The following LHX4 variants were observed in gnomAD, a reference collection of about 807,000 sequenced individuals.
The protein encoded by LHX4 is LIM homeobox 4, also known as LIM/homeobox protein Lhx4.
Under a neutral mutation model 39.2 loss-of-function variants are expected in LHX4, and 16 were observed. That is an observed-to-expected ratio of 0.41 (90% confidence interval 0.28 to 0.62). LHX4 has a LOEUF of 0.62. LHX4 is among the 20% of genes least tolerant of loss of function. The pLI is 0.33. For synonymous variants in LHX4, 206 were observed against 198.1 expected (o/e 1.04, Z -0.33); for missense variants, 439 against 511.9 (o/e 0.86, Z 1.37).
At chr1:180,262,812 AT>A (rs1189376157) in intron 2 of LHX4, among the ~76,000 whole-genome samples, 1 of 152,146 alleles carries the variant, frequency 6.6e-6, no homozygotes, top group Non-Finnish European at 1.5e-5. Flanking sequence ...TCATTCATTC[AT>A]TCATTCATTG....
intron 5 of LHX4, chr1:180,272,801 G>T (rs966658406): frequency 6.6e-6 from 1 of 152,186 alleles, no homozygotes; most frequent in Admixed American, 6.5e-5. Context: ...TTCCCAAGAG[G>T]AATACCATAT....
At chr1:180,260,467 C>G (rs697262) in intron 2 of LHX4, among the ~76,000 whole-genome samples, 10,486 of 151,716 alleles carry the variant, frequency 0.069, 530 homozygotes, top group Non-Finnish European at 0.097. Context: ...TGGTCGGGAG[C>G]AGCAGGGGTG....
rs1664157165 is a variant in LHX4 at position 180,230,722 on chromosome 1, A to T, written c.76+117A>T. ...CGGGAGGGGCTGGCGGCCGGGGCGCAGAGGCGGTCACAGGGCAGGGGCACC... is the reference window on the plus strand; with the variant it reads ...CGGGAGGGGCTGGCGGCCGGGGCGCTGAGGCGGTCACAGGGCAGGGGCACC... On this transcript the variant is annotated intron_variant, in intron 1 of 5. Transcript: ENST00000263726. This position sits in a 1 kb window ranked among gnomAD's most constrained non-coding sequence, Gnocchi z 5.8. 1 of 953,898 alleles carries T rather than the reference A, an allele frequency of 1.0e-6. No homozygotes were observed. Among genetic ancestry groups the T allele is most frequent in the African/African-American group, 1.6e-5 (1 of 61,416 alleles). 59.1% of individuals were successfully genotyped at this position (953,898 alleles called of 1,614,324 possible).
chr1:180,254,533 G>C (rs540360382), intron 2 of LHX4, among the ~76,000 whole-genome samples: 1 of 152,256 alleles, frequency 6.6e-6, no homozygotes, highest in Non-Finnish European at 1.5e-5. Context: ...CTGCAGGGTG[G>C]TGGTGCTGGC....
In LHX4 at chr1:180,248,265, C is replaced by A. The variant is rs149914490; in HGVS notation, c.77-20C>A. The A allele has an allele frequency of 2.5e-3, 4,012 of 1,613,074 alleles. 33 individuals are homozygous for A. The highest frequency in any genetic ancestry group is 0.016 in the South Asian group (1,425 of 90,796). The stretch of plus-strand genomic sequence containing the variant: ...GCTGTGTGGAAGGCTCACAGTGCCT[C>A]TCTCTCCTCTTCCTCACAGAGATTC... On this transcript the variant is annotated intron_variant, in intron 1 of 5. Transcript: ENST00000263726.
chr1:180,257,596 T>C (rs1264539465), intron 2 of LHX4, among the ~76,000 whole-genome samples: 1 of 152,206 alleles, frequency 6.6e-6, no homozygotes, highest in Non-Finnish European at 1.5e-5. Context: ...GAAATATTGG[T>C]ACATACAGTA....
At position 180,249,001 on chromosome 1, in the gene LHX4, A is replaced by C. The variant is rs146759551; in HGVS notation, c.248+545A>C. 4.5e-3 allele frequency among the ~76,000 whole-genome samples: 689 copies of C among 152,322 alleles called. 6 individuals are homozygous for C. Among genetic ancestry groups the C allele is most frequent in the African/African-American group, 0.016 (663 of 41,574 alleles). The stretch of plus-strand genomic sequence containing the variant: ...CAATGTCGTCACTTTATATGGAAAC[A>C]TGACTAAGAAAGAGGCAGTTTCATG... On this transcript the variant is annotated intron_variant, in intron 2 of 5. Transcript: ENST00000263726.
intron 3 of LHX4, 21 bp from the exon 4 acceptor site, chr1:180,271,359 A>G: frequency 1.2e-6 from 2 of 1,614,108 alleles, no homozygotes. Context: ...GAAGCCAGTA[A>G]GCAGTGGTTT....
upstream of LHX4, among the ~76,000 whole-genome samples, chr1:180,228,484 C>T (rs1194857866): frequency 6.6e-6 from 1 of 152,162 alleles, no homozygotes. Context: ...AAGCTGTGCA[C>T]GTGTTGTTTT....
intron 5 of LHX4, 23 bp downstream of exon 5, chr1:180,272,029 G>A: frequency 1.9e-6 from 3 of 1,602,558 alleles, no homozygotes; most frequent in Non-Finnish European, 2.6e-6. Context: ...GGAGGGGCCA[G>A]GCCGAGGCCT....
At chr1:180,244,588 A>G (rs544094560) in intron 1 of LHX4, among the ~76,000 whole-genome samples, 2 of 152,206 alleles carry the variant, frequency 1.3e-5, no homozygotes, top group Non-Finnish European at 2.9e-5. Context: ...TGCTCAAAAT[A>G]AATTTTATGG....
chr1:180,236,408 A>G (rs1664320480), intron 1 of LHX4, among the ~76,000 whole-genome samples: 1 of 152,204 alleles, frequency 6.6e-6, no homozygotes, highest in South Asian at 2.1e-4. Flanking sequence ...ACTCTGCGTT[A>G]CAGTCAATTA....
intron 2 of LHX4, among the ~76,000 whole-genome samples, chr1:180,249,930 T>C (rs1558213099): frequency 6.6e-6 from 1 of 151,610 alleles, no homozygotes; most frequent in South Asian, 2.1e-4. Context: ...TGAGAGTGTG[T>C]GTGGGTGAGT....
intron 2 of LHX4, 144 bp downstream of exon 2, chr1:180,248,600 G>A: frequency 1.2e-6 from 1 of 855,892 alleles, no homozygotes; most frequent in Non-Finnish European, 1.9e-6. Flanking sequence ...CTGAGAGGAT[G>A]CCCCTTGTTG....
At chr1:180,273,896 A>G (rs1475886641) in intron 5 of LHX4, 1 of 458,100 alleles carries the variant, frequency 2.2e-6, no homozygotes, top group African/African-American at 2.0e-5. Context: ...CAGTGTAGCC[A>G]GAGTATTAGT....
intron 2 of LHX4, among the ~76,000 whole-genome samples, chr1:180,262,980 T>G (rs995734811): frequency 6.6e-6 from 1 of 152,232 alleles, no homozygotes; most frequent in Non-Finnish European, 1.5e-5. Context: ...GGGGGACTGG[T>G]TGTCCCCAGA....
In LHX4 at chr1:180,278,581, A is replaced by G. The variant is rs1236847630; in HGVS notation, c.*4002A>G. ...AGGGAGGCAGAGCACAGGTGAACAG[A>G]GGAAGGACACCCCCACTCTCATCTA... is the stretch of plus-strand genomic sequence containing the variant. On this transcript the variant is annotated 3_prime_UTR_variant, in exon 6 of 6. Coordinates refer to ENST00000263726, the MANE Select transcript of LHX4 (RefSeq NM_033343.4). 6.6e-6 allele frequency: 1 copy of G among 151,918 alleles called. No individual in the cohort carries two copies. Among genetic ancestry groups the G allele is most frequent in the East Asian group, 1.9e-4 (1 of 5,166 alleles). 9.4% of individuals were successfully genotyped at this position (151,918 alleles called of 1,614,324 possible).
At chr1:180,244,881 G>A (rs1281513970) in intron 1 of LHX4, among the ~76,000 whole-genome samples, 1 of 151,418 alleles carries the variant, frequency 6.6e-6, no homozygotes, top group East Asian at 1.9e-4. Flanking sequence ...TGACTCCCAG[G>A]GCAGAGGTGC....
intron 2 of LHX4, among the ~76,000 whole-genome samples, chr1:180,250,615 G>A (rs879597911): frequency 6.6e-6 from 1 of 152,188 alleles, no homozygotes; most frequent in South Asian, 2.1e-4. Context: ...CCAGTGTGGC[G>A]GCTCAGGGAA....
Sources: gnomAD v4.1 joint callset for allele counts (sites outside exome capture counted in the v4.1 genomes callset) on GRCh38, gnomAD v4.1.1 for gene constraint, Gnocchi (gnomAD v3.1) non-coding constraint, MANE v1.5 for transcripts, NCBI Gene and HGNC (gene_info 2026-07-23, HGNC 2026-07-21) for gene names.